The following ASIC2 variants were observed in gnomAD, a reference collection of about 807,000 sequenced individuals.
ASIC2 encodes acid sensing ion channel subunit 2.
Under a neutral mutation model 57.3 loss-of-function variants are expected in ASIC2, and 25 were observed. That is an observed-to-expected ratio of 0.44 (90% CI 0.32 to 0.61). The LOEUF is 0.61. Ranked by LOEUF, ASIC2 falls within the 20% of genes least tolerant of loss-of-function variation. The pLI, the probability that ASIC2 is intolerant of heterozygous loss-of-function variation, is 0.06. For synonymous variants in ASIC2, 319 were observed against 307.5 expected (o/e 1.04, Z -0.39); for missense variants, 641 against 738.1 (o/e 0.87, Z 1.52).
chr17:33,490,241 A>G (rs1913709894), intron 1 of ASIC2, among the ~76,000 whole-genome samples: 1 of 152,262 alleles, frequency 6.6e-6, no homozygotes, highest in Non-Finnish European at 1.5e-5. Context: ...CTGGCTCATT[A>G]CTTAAATAGT....
At chr17:33,390,921 T>C (rs1049143880) in intron 1 of ASIC2, among the ~76,000 whole-genome samples, 1 of 152,182 alleles carries the variant, frequency 6.6e-6, no homozygotes, top group Non-Finnish European at 1.5e-5. Context: ...AGGGATTACA[T>C]AAGTGCTTGA....
chr17:33,939,575 G>A (rs1447754903), intron 1 of ASIC2, among the ~76,000 whole-genome samples: 1 of 151,522 alleles, frequency 6.6e-6, no homozygotes, highest in African/African-American at 2.5e-5. Context: ...ACACTACAGA[G>A]TGCAGGCTCT....
At chr17:33,117,089 AG>A (rs2092284106) in intron 1 of ASIC2, among the ~76,000 whole-genome samples, 1 of 152,118 alleles carries the variant, frequency 6.6e-6, no homozygotes, top group Non-Finnish European at 1.5e-5. Context: ...CCTGGGCTCA[AG>A]CAATCATCCC....
At chr17:33,698,187 A>G in intron 1 of ASIC2, among the ~76,000 whole-genome samples, 1 of 152,246 alleles carries the variant, frequency 6.6e-6, no homozygotes, top group East Asian at 1.9e-4. Context: ...ATTATTATAT[A>G]GGTGGTTTTC....
chr17:33,224,052 A>G (rs886840266), intron 1 of ASIC2, among the ~76,000 whole-genome samples: 5 of 152,196 alleles, frequency 3.3e-5, no homozygotes, highest in African/African-American at 9.6e-5. Flanking sequence ...CTTCTGGGAA[A>G]GGGCTCTCAT....
intron 1 of ASIC2, among the ~76,000 whole-genome samples, chr17:33,401,573 G>T (rs1444942294): frequency 6.6e-6 from 1 of 152,118 alleles, no homozygotes; most frequent in Middle Eastern, 3.2e-3. Context: ...AGTTTCTCTT[G>T]CCCCTAATTG....
chr17:33,481,572 C>G (rs1913405957), intron 1 of ASIC2, among the ~76,000 whole-genome samples: 1 of 152,224 alleles, frequency 6.6e-6, no homozygotes, highest in African/African-American at 2.4e-5. Flanking sequence ...GTGCCTAAAA[C>G]AGTACTGAGC....
In ASIC2 at chr17:33,642,219, C is replaced by CA. The variant is rs1357037907; in HGVS notation, c.555+513758_555+513759insT. Reference sequence around the variant, plus strand: ...GGAGCAAAAGGACACCCCCCCCCCCCCCACACACAATGGTTATGGCTGCAC... The same window carrying CA: ...GGAGCAAAAGGACACCCCCCCCCCCCACCACACACAATGGTTATGGCTGCAC... On this transcript the variant is annotated intron_variant, in intron 1 of 9. Transcript: ENST00000359872. Among the ~76,000 whole-genome samples the CA allele has an allele frequency of 7.3e-4, 102 of 140,288 alleles. 1 individual carries two copies. Among genetic ancestry groups the CA allele is most frequent in the African/African-American group, 2.8e-3 (99 of 35,816 alleles). The allele number at this position is 140,288 out of a possible 152,430, so 92.0% of individuals were successfully genotyped here. A position where few individuals can be genotyped will look rare whatever the true frequency, so the allele number is the denominator to read the frequency against.
chr17:33,261,453 C>T (rs1474891072), intron 1 of ASIC2, among the ~76,000 whole-genome samples: 1 of 152,176 alleles, frequency 6.6e-6, no homozygotes, highest in Non-Finnish European at 1.5e-5. Context: ...AAGCACGGAA[C>T]TATGCTTTGT....
At chr17:33,432,080 T>C (rs1391763282) in intron 1 of ASIC2, among the ~76,000 whole-genome samples, 1 of 152,196 alleles carries the variant, frequency 6.6e-6, no homozygotes, top group African/African-American at 2.4e-5. Context: ...ATTAATACAA[T>C]TGACCCTTGA....
chr17:33,381,257 C>T (rs1909477968), intron 1 of ASIC2, among the ~76,000 whole-genome samples: 1 of 152,232 alleles, frequency 6.6e-6, no homozygotes, highest in South Asian at 2.1e-4. Context: ...CAGGAACTCT[C>T]CTTTTTAATA....
At chr17:34,140,810 A>G (rs1465203452) in intron 1 of ASIC2, among the ~76,000 whole-genome samples, 1 of 152,194 alleles carries the variant, frequency 6.6e-6, no homozygotes, top group Non-Finnish European at 1.5e-5. Context: ...CCAACTAATA[A>G]ATGTAGAAAG....
intron 1 of ASIC2, among the ~76,000 whole-genome samples, chr17:33,270,364 C>T (rs1904435661): frequency 6.6e-6 from 1 of 152,208 alleles, no homozygotes; most frequent in South Asian, 2.1e-4. Flanking sequence ...TCCCTGGCTT[C>T]TCTCCTTGCC....
chr17:33,648,633 T>C (rs1342517820), intron 1 of ASIC2, among the ~76,000 whole-genome samples: 1 of 152,190 alleles, frequency 6.6e-6, no homozygotes, highest in African/African-American at 2.4e-5. Flanking sequence ...GGGTCTCTAT[T>C]TGTGTCAAAT....
At chr17:33,087,038 A>G (rs1433781297) in intron 3 of ASIC2, among the ~76,000 whole-genome samples, 4 of 152,182 alleles carry the variant, frequency 2.6e-5, no homozygotes, top group Non-Finnish European at 5.9e-5. Context: ...CTACTGCAAA[A>G]GTAAATAATT....
At chr17:33,512,534 A>G (rs1914458413) in intron 1 of ASIC2, among the ~76,000 whole-genome samples, 1 of 152,208 alleles carries the variant, frequency 6.6e-6, no homozygotes, top group East Asian at 1.9e-4. Context: ...GAGCATTTAG[A>G]AAAATAAAAG....
chr17:33,448,337 A>G (rs551422980), intron 1 of ASIC2, among the ~76,000 whole-genome samples: 1 of 152,312 alleles, frequency 6.6e-6, no homozygotes, highest in East Asian at 1.9e-4. Flanking sequence ...GAGTCCCCAG[A>G]TATATCAGGT....
intron 1 of ASIC2, among the ~76,000 whole-genome samples, chr17:33,807,536 C>G (rs1912302366): frequency 6.6e-6 from 1 of 152,134 alleles, no homozygotes. Context: ...GGGAGTAATT[C>G]AGGGTTCAGT....
At chr17:33,967,350 C>T (rs758242502) in intron 1 of ASIC2, among the ~76,000 whole-genome samples, 3 of 152,150 alleles carry the variant, frequency 2.0e-5, no homozygotes, top group Non-Finnish European at 4.4e-5. Context: ...ATCTTTCCAC[C>T]TCAGCCTCCC....
Sources: gnomAD v4.1 joint callset for allele counts (sites outside exome capture counted in the v4.1 genomes callset) on GRCh38, gnomAD v4.1.1 for gene constraint, MANE v1.5 for transcripts, NCBI Gene and HGNC (gene_info 2026-07-23, HGNC 2026-07-21) for gene names.